The following TENM3 variants were observed in gnomAD, a reference collection of about 807,000 sequenced individuals.
The protein encoded by TENM3 is teneurin transmembrane protein 3, also known as teneurin-3.
Under a neutral mutation model 255.1 loss-of-function variants are expected in TENM3, and 63 were observed. The ratio of observed to expected loss-of-function variants is 0.25; its 90% CI spans 0.20 to 0.30. TENM3 has a LOEUF of 0.30. Ranked by LOEUF, TENM3 falls within the 10% of genes least tolerant of loss-of-function variation. TENM3 has a pLI of 1.00. For synonymous variants in TENM3, 1,306 were observed against 1,322.3 expected (o/e 0.99, Z 0.27); for missense variants, 2,929 against 3,461.1 (o/e 0.85, Z 3.86).
chr4:182,078,968 G>T, the TENM3 span, among the ~76,000 whole-genome samples: 45,530 of 151,962 alleles, frequency 0.3, 6,962 homozygotes, highest in Admixed American at 0.34. Flanking sequence ...TTGAGAGCTG[G>T]TCTTAATGAA....
rs540548187 is a variant in TENM3 at position 182,628,493 on chromosome 4, C to T, written c.750-158C>T. On this transcript the variant is annotated intron_variant, in intron 4 of 27. Coordinates refer to ENST00000511685, the MANE Select transcript of TENM3 (RefSeq NM_001080477.4). Reference sequence around the variant, plus strand: ...TGTGAGTTAGATTCTTTGGTTAAAACATTTCCTTAATTTTTAATGTTTTAG... The same window carrying T: ...TGTGAGTTAGATTCTTTGGTTAAAATATTTCCTTAATTTTTAATGTTTTAG... Among the ~76,000 whole-genome samples the T allele has an allele frequency of 3.9e-5, 6 of 152,190 alleles. No homozygotes were observed. In the South Asian group the frequency reaches 1.2e-3, roughly 32 times the overall value.
chr4:181,867,449 G>C, the TENM3 span, among the ~76,000 whole-genome samples: 1 of 152,022 alleles, frequency 6.6e-6, no homozygotes, highest in Non-Finnish European at 1.5e-5. Context: ...CACCTCTTCT[G>C]CCTCCTGACT....
chr4:182,682,462 T>TG (rs1756249017), intron 11 of TENM3, among the ~76,000 whole-genome samples: 1 of 152,224 alleles, frequency 6.6e-6, no homozygotes, highest in African/African-American at 2.4e-5. Context: ...AATAAATGGT[T>TG]CAACACTGAG....
intron 3 of TENM3, among the ~76,000 whole-genome samples, chr4:182,353,216 G>T (rs1020186816): frequency 6.6e-6 from 1 of 152,100 alleles, no homozygotes; most frequent in African/African-American, 2.4e-5. Context: ...AGCCTACTTT[G>T]GTTGTTGATT....
the TENM3 span, among the ~76,000 whole-genome samples, chr4:181,728,477 C>T: frequency 6.6e-6 from 1 of 152,132 alleles, no homozygotes; most frequent in Non-Finnish European, 1.5e-5. Flanking sequence ...GATGGAGATT[C>T]CCTGGAACTG....
At chr4:181,875,869 G>A in the TENM3 span, among the ~76,000 whole-genome samples, 5 of 150,948 alleles carry the variant, frequency 3.3e-5, no homozygotes, top group Non-Finnish European at 7.4e-5. Flanking sequence ...ACTTGAATAT[G>A]CCCAAACATC....
intron 3 of TENM3, among the ~76,000 whole-genome samples, chr4:182,449,541 T>C (rs1476684812): frequency 6.6e-6 from 1 of 152,190 alleles, no homozygotes; most frequent in African/African-American, 2.4e-5. Context: ...TCGGTGACTT[T>C]TACGAATTCG....
the TENM3 span, among the ~76,000 whole-genome samples, chr4:181,806,812 C>A: frequency 6.6e-6 from 1 of 152,202 alleles, no homozygotes; most frequent in Non-Finnish European, 1.5e-5. Context: ...TAGGAGAATC[C>A]TTCAACTAGG....
rs555853545 is a variant in TENM3 at position 182,606,390 on chromosome 4, G to T, written c.749+5229G>T. On this transcript the variant is annotated intron_variant, in intron 4 of 27. Coordinates refer to ENST00000511685, the MANE Select transcript of TENM3 (RefSeq NM_001080477.4). ...AATACAAAAATTAGCCAGGCGGGGT[G>T]GTGGGCACCTGTAATCTCAGCTACT... 7.0e-4 allele frequency among the ~76,000 whole-genome samples: 107 copies of T among 152,078 alleles called. No homozygotes were observed. In the Middle Eastern group the frequency reaches 0.017, roughly 24 times the overall value.
At chr4:182,008,671 G>T in the TENM3 span, among the ~76,000 whole-genome samples, 1 of 151,946 alleles carries the variant, frequency 6.6e-6, no homozygotes, top group African/African-American at 2.4e-5. Context: ...GGTTGAACAT[G>T]CTCCTTTAAC....
rs78653662 is a variant in TENM3 at position 182,776,413 on chromosome 4, A to C, written c.5304+1260A>C. Among the ~76,000 whole-genome samples the C allele has an allele frequency of 4.8e-3, 737 of 152,310 alleles. 7 individuals are homozygous for C. Among genetic ancestry groups the C allele is most frequent in the African/African-American group, 0.017 (703 of 41,572 alleles). Reference sequence around the variant, plus strand: ...GGAGACAAAGCAAGATTCTGTCTCGAAACAAGAAAAGAAAAGGCATGGTTA... The same window carrying C: ...GGAGACAAAGCAAGATTCTGTCTCGCAACAAGAAAAGAAAAGGCATGGTTA... On this transcript the variant is annotated intron_variant, in intron 24 of 27. Transcript: ENST00000511685.
intron 1 of TENM3, among the ~76,000 whole-genome samples, chr4:182,218,585 T>C (rs1011706125): frequency 6.6e-6 from 1 of 152,224 alleles, no homozygotes; most frequent in Non-Finnish European, 1.5e-5. Context: ...TCTTGTGATC[T>C]TTACTGTTCT....
chr4:182,082,228 G>T, the TENM3 span, among the ~76,000 whole-genome samples: 18 of 152,106 alleles, frequency 1.2e-4, no homozygotes. Flanking sequence ...CTTGTTCGTA[G>T]GTGGCACCTT....
the TENM3 span, among the ~76,000 whole-genome samples, chr4:181,516,140 G>A: frequency 6.6e-6 from 1 of 152,162 alleles, no homozygotes; most frequent in South Asian, 2.1e-4. Flanking sequence ...TCACTTATAA[G>A]TAGGAGCTGA....
chr4:181,875,795 C>A, the TENM3 span, among the ~76,000 whole-genome samples: 2 of 152,022 alleles, frequency 1.3e-5, no homozygotes, highest in African/African-American at 4.8e-5. Flanking sequence ...TCTCAGTTCC[C>A]CTGACAAACT....
chr4:181,650,819 A>G, the TENM3 span, among the ~76,000 whole-genome samples: 3 of 152,360 alleles, frequency 2.0e-5, no homozygotes, highest in East Asian at 5.8e-4. Context: ...TATTTTTAAA[A>G]CAAAATGTTA....
At chr4:181,467,878 C>T in the TENM3 span, among the ~76,000 whole-genome samples, 5 of 152,204 alleles carry the variant, frequency 3.3e-5, no homozygotes, top group Admixed American at 6.5e-5. Flanking sequence ...TTACTTTCAT[C>T]TGGATTGACC....
At chr4:181,724,060 T>G in the TENM3 span, among the ~76,000 whole-genome samples, 1 of 152,206 alleles carries the variant, frequency 6.6e-6, no homozygotes, top group Non-Finnish European at 1.5e-5. Flanking sequence ...CAGAGTCATG[T>G]AAAATGTGGG....
chr4:182,211,869 C>T (rs924118351), intron 1 of TENM3, among the ~76,000 whole-genome samples: 13 of 152,124 alleles, frequency 8.5e-5, no homozygotes. Context: ...TGCAGGGCCT[C>T]AATTTATTCT....
Sources: gnomAD v4.1 joint callset for allele counts (sites outside exome capture counted in the v4.1 genomes callset) on GRCh38, gnomAD v4.1.1 for gene constraint, MANE v1.5 for transcripts, NCBI Gene and HGNC (gene_info 2026-07-23, HGNC 2026-07-21) for gene names.